ZNF491: variants seen among roughly 807,000 people sequenced by gnomAD.
ZNF491 encodes zinc finger protein 491.
Under a neutral mutation model 34.7 loss-of-function variants are expected in ZNF491, and 22 were observed. That is an observed-to-expected ratio of 0.63 (90% confidence interval 0.45 to 0.90). The LOEUF is 0.90. ZNF491 is among the 40% of genes least tolerant of loss of function. The pLI, the probability that ZNF491 is intolerant of heterozygous loss-of-function variation, is 0.00. For missense variants in ZNF491, 559 were observed against 531.7 expected (o/e 1.05, Z -0.51); for synonymous variants, 148 against 174.3 (o/e 0.85, Z 1.19).
Position 11,807,239 on chromosome 19 carries a change from A to G in ZNF491, c.1286A>G (p.His429Arg), listed in dbSNP as rs1221522243. Residue 429 changes from histidine to arginine, a missense_variant, in exon 3 of 3, where the codon CAT becomes CGT. By Grantham distance (29) the His-to-Arg change is conservative. Transcript: ENST00000323169. ...AFIRSSYCRKHERTHTINI is the reference protein window; with the variant it reads ...AFIRSSYCRKRERTHTINI ...ATTCGTTCCAGTTACTGTCGAAAAC[A>G]TGAAAGAACTCACACTATTAATATA... 3.9e-6 allele frequency: 6 copies of G among 1,557,688 alleles called. No individual in the cohort carries two copies. In the South Asian group the frequency reaches 4.9e-5, roughly 13 times the overall value.
chr19:11,805,437 C>G (rs1361019748), intron 2 of ZNF491, among the ~76,000 whole-genome samples: 4 of 148,606 alleles, frequency 2.7e-5, no homozygotes, highest in Non-Finnish European at 5.9e-5. Context: ...AAAAAGAAAC[C>G]TCATGTAAAT....
chr19:11,807,373 T>C lies in ZNF491; in HGVS notation c.*106T>C, dbSNP rs1321541555. 1.3e-6 allele frequency: 1 copy of C among 784,414 alleles called. No homozygotes were observed. Among genetic ancestry groups the C allele is most frequent in the Non-Finnish European group, 1.9e-6 (1 of 519,988 alleles). 48.6% of individuals were successfully genotyped at this position (784,414 alleles called of 1,614,324 possible). A position where few individuals can be genotyped will look rare whatever the true frequency, so the allele number is the denominator to read the frequency against. ...CTCAAGCATCCCTCCCAGCTTGAAG[T>C]GTCAATAAAGGAAGGCAATAAAATG... On this transcript the variant is annotated 3_prime_UTR_variant, in exon 3 of 3. Coordinates refer to ENST00000323169, the MANE Select transcript of ZNF491 (RefSeq NM_152356.4).
At position 11,806,329 on chromosome 19, in the gene ZNF491, A is replaced by G. The variant is rs750965752; in HGVS notation, c.376A>G (p.Ser126Gly). 6.2e-7 allele frequency: 1 copy of G among 1,611,744 alleles called. No individual in the cohort carries two copies. Among genetic ancestry groups the G allele is most frequent in the South Asian group, 1.1e-5 (1 of 90,674 alleles). Residue 126 changes from serine to glycine, a missense_variant, in exon 3 of 3, where the codon AGT becomes GGT. Ser to Gly is a moderately conservative substitution (Grantham distance 56, BLOSUM62 0). Coordinates refer to ENST00000323169, the MANE Select transcript of ZNF491 (RefSeq NM_152356.4). The part of the protein sequence containing the change: ...ASIRRYMVTH[S>G]GDGPYKCKFC... ...CATTCGAAGATATATGGTAACGCAC[A>G]GTGGAGATGGACCTTATAAATGTAA...
intron 1 of ZNF491, among the ~76,000 whole-genome samples, chr19:11,801,493 A>G (rs1205835693): frequency 6.6e-6 from 1 of 152,148 alleles, no homozygotes; most frequent in Non-Finnish European, 1.5e-5. Context: ...TGTCTTTACT[A>G]AAAATACAAA....
chr19:11,806,172 G>C lies in ZNF491; in HGVS notation c.219G>C (p.Lys73Asn), dbSNP rs369776367. The change falls in exon 3 of 3, where the codon AAG (lysine) becomes AAC (asparagine). Residue 73 changes from lysine to asparagine, a missense_variant. Physicochemically the swap from Lys to Asn is moderately conservative, Grantham distance 94 (BLOSUM62 0). Coordinates refer to ENST00000323169, the MANE Select transcript of ZNF491 (RefSeq NM_152356.4). ...ATAAGTGTCAGAAATTTTTAGAGAA[G>C]CCATATAAACATAAACAACGTAGGA... ...QPHKCQKFLEKPYKHKQRRKA... is the reference protein window; with the variant it reads ...QPHKCQKFLENPYKHKQRRKA... The C allele has an allele frequency of 3.1e-6, 5 of 1,613,956 alleles. No homozygotes were observed. The highest frequency in any genetic ancestry group is 4.2e-6 in the Non-Finnish European group (5 of 1,180,014).
At chr19:11,802,099 C>T (rs181217046) in intron 1 of ZNF491, among the ~76,000 whole-genome samples, 2 of 152,296 alleles carry the variant, frequency 1.3e-5, no homozygotes, top group Non-Finnish European at 2.9e-5. Context: ...GGGTTACAGG[C>T]ATCAGCCACT....
intron 1 of ZNF491, among the ~76,000 whole-genome samples, chr19:11,803,799 C>T (rs1251437346): frequency 6.6e-6 from 1 of 152,174 alleles, no homozygotes; most frequent in African/African-American, 2.4e-5. Context: ...TTTAAAGTTA[C>T]TATTTTTACC....
rs1214684193 is a variant in ZNF491, at chr19:11,801,428, G to A, written c.-134+2701G>A. ...TCTCAGCACTTTGGGAGGCTGAGGC[G>A]GGTGGATCATGAGGTCAGGAGTTCA... On this transcript the variant is annotated intron_variant, in intron 1 of 2. Coordinates refer to ENST00000323169, the MANE Select transcript of ZNF491 (RefSeq NM_152356.4). Among the ~76,000 whole-genome samples the A allele has an allele frequency of 4.6e-5, 7 of 152,002 alleles. No homozygotes were observed. The South Asian group carries it at 6.2e-4, about 14-fold the overall frequency.
At chr19:11,801,957 G>A (rs1215637729) in intron 1 of ZNF491, among the ~76,000 whole-genome samples, 1 of 152,050 alleles carries the variant, frequency 6.6e-6, no homozygotes, top group Admixed American at 6.6e-5. Flanking sequence ...TACCTGTTGG[G>A]TGTTGTGAAC....
intron 2 of ZNF491, among the ~76,000 whole-genome samples, chr19:11,805,539 C>T (rs531048937): frequency 6.6e-6 from 1 of 151,308 alleles, no homozygotes; most frequent in Non-Finnish European, 1.5e-5. Context: ...AGAAAGTCTA[C>T]ACTTCATGGG....
chr19:11,802,003 G>C (rs1975563712), intron 1 of ZNF491, among the ~76,000 whole-genome samples: 2 of 152,010 alleles, frequency 1.3e-5, no homozygotes, highest in Admixed American at 1.3e-4. Context: ...ATTTTTTATA[G>C]AGATTGGATC....
At chr19:11,804,340 C>T (rs1478913160) in intron 1 of ZNF491, among the ~76,000 whole-genome samples, 1 of 152,086 alleles carries the variant, frequency 6.6e-6, no homozygotes, top group African/African-American at 2.4e-5. Flanking sequence ...TCTGCTGTTG[C>T]TTTACCCATA....
intron 2 of ZNF491, among the ~76,000 whole-genome samples, chr19:11,805,684 C>T (rs528612977): frequency 3.9e-5 from 6 of 152,032 alleles, no homozygotes; most frequent in Admixed American, 1.3e-4. Context: ...TCTATCTCTA[C>T]CAAAAATAAA....
At chr19:11,800,184 G>A (rs886179563) in intron 1 of ZNF491, among the ~76,000 whole-genome samples, 2 of 152,136 alleles carry the variant, frequency 1.3e-5, no homozygotes, top group African/African-American at 4.8e-5. Context: ...TCCCTTAGAA[G>A]GGTTTTTGCT....
In ZNF491 at chr19:11,807,077, G is replaced by T; in HGVS notation, c.1124G>T (p.Arg375Met). 5 of 1,609,110 alleles carry T rather than the reference G, an allele frequency of 3.1e-6. No homozygotes were observed. Among genetic ancestry groups the T allele is most frequent in the Non-Finnish European group, 4.2e-6 (5 of 1,178,258 alleles). Reference sequence around the variant, plus strand: ...GTCAGCTCCTTTCATAGACATGAAAGGACTCACGCTGGAGAAAAACCTTAT... The same window carrying T: ...GTCAGCTCCTTTCATAGACATGAAATGACTCACGCTGGAGAAAAACCTTAT... Reference protein sequence around the residue: ...HCVSSFHRHERTHAGEKPYEC... With the variant: ...HCVSSFHRHEMTHAGEKPYEC... The change falls in exon 3 of 3, where the codon AGG (arginine) becomes ATG (methionine). Residue 375 changes from arginine to methionine, a missense_variant. Physicochemically the swap from Arg to Met is moderately conservative, Grantham distance 91 (BLOSUM62 -1). Transcript: ENST00000323169.
At position 11,807,691 on chromosome 19, in the gene ZNF491, AATGTACAT is replaced by A. The variant is rs1475088096; in HGVS notation, c.*426_*433del. The A allele has an allele frequency of 1.7e-5, 3 of 177,542 alleles. No homozygotes were observed. The highest frequency in any genetic ancestry group is 7.2e-5 in the African/African-American group (3 of 41,680). 11.0% of individuals were successfully genotyped at this position (177,542 alleles called of 1,614,324 possible). On this transcript the variant is annotated 3_prime_UTR_variant, in exon 3 of 3. Transcript: ENST00000323169. ...AGTTTGGTTTTTCTTTAAGTATTGTAATGTACATACCAGAGAGATAATGCAGACTGTCA... is the reference window on the plus strand; with the variant it reads ...AGTTTGGTTTTTCTTTAAGTATTGTAACCAGAGAGATAATGCAGACTGTCA...
intron 1 of ZNF491, among the ~76,000 whole-genome samples, chr19:11,802,148 A>G (rs1405395033): frequency 6.6e-6 from 1 of 152,164 alleles, no homozygotes; most frequent in Non-Finnish European, 1.5e-5. Context: ...TTTCTTTGAG[A>G]TCCTACTTTT....
intron 2 of ZNF491, among the ~76,000 whole-genome samples, chr19:11,805,269 C>G (rs992879244): frequency 6.6e-6 from 1 of 151,936 alleles, no homozygotes; most frequent in South Asian, 2.1e-4. Context: ...ATTATCCAGG[C>G]GTGGTGGCAC....
Position 11,801,847 on chromosome 19 carries a change from T to C in ZNF491, c.-133-2695T>C, listed in dbSNP as rs115773066. Among the ~76,000 whole-genome samples, 881 of 152,320 alleles carry C rather than the reference T, an allele frequency of 5.8e-3. 8 individuals are homozygous for C. Among genetic ancestry groups the C allele is most frequent in the African/African-American group, 0.021 (859 of 41,568 alleles). On this transcript the variant is annotated intron_variant, in intron 1 of 2. Coordinates refer to ENST00000323169, the MANE Select transcript of ZNF491 (RefSeq NM_152356.4). ...ATGAAGTTTCATGCCTGTTGTAGTATGGGACAGGATGTCATTTTATAAGAA... is the reference window on the plus strand; with the variant it reads ...ATGAAGTTTCATGCCTGTTGTAGTACGGGACAGGATGTCATTTTATAAGAA...
Sources: gnomAD v4.1 joint callset for allele counts (sites outside exome capture counted in the v4.1 genomes callset) on GRCh38, gnomAD v4.1.1 for gene constraint, MANE v1.5 for transcripts, NCBI Gene and HGNC (gene_info 2026-07-23, HGNC 2026-07-21) for gene names.